MPV17L2: variants seen among roughly 807,000 people sequenced by gnomAD.
MPV17L2 encodes the protein mpv17-like protein 2.
MPV17L2 carries 25 observed loss-of-function variants against 24.2 expected under a neutral mutation model. The observed-to-expected ratio is 1.03, with a 90% confidence interval of 0.75 to 1.44. The LOEUF is 1.44. Among genes scored for constraint, MPV17L2 ranks in the 40% most tolerant of loss-of-function variants. The pLI is 0.00. For synonymous variants in MPV17L2, 130 were observed against 121.4 expected (o/e 1.07, Z -0.46); for missense variants, 271 against 276.2 (o/e 0.98, Z 0.13).
chr19:18,196,707 C>CT lies in MPV17L2; in HGVS notation c.*653dup. On this transcript the variant is annotated 3_prime_UTR_variant, in exon 5 of 5. Coordinates refer to ENST00000599612, the MANE Select transcript of MPV17L2 (RefSeq NM_032683.3). ...TGGGCAACATAGCAAGACCCTGTCT[C>CT]TATTTATATTGAAAAATAAAAATAA... 3.1e-6 allele frequency: 1 copy of CT among 321,128 alleles called. No individual in the cohort carries two copies. Among genetic ancestry groups the CT allele is most frequent in the East Asian group, 8.1e-5 (1 of 12,342 alleles). 19.9% of individuals were successfully genotyped at this position (321,128 alleles called of 1,614,324 possible).
rs767432639 is a variant in MPV17L2 at position 18,193,851 on chromosome 19, TACA to T, written c.188-12_188-10del. ...GCCGGCCCGACCCAGCCCCCTGACT[TACA>T]CTCTTATAGCGAGCATGTTTGCGGT... On this transcript the variant is annotated splice_polypyrimidine_tract_variant and intron_variant, in intron 1 of 4. Coordinates refer to ENST00000599612, the MANE Select transcript of MPV17L2 (RefSeq NM_032683.3). 1.2e-6 allele frequency: 2 copies of T among 1,613,140 alleles called. No individual in the cohort carries two copies. The highest frequency in any genetic ancestry group is 3.3e-5 in the Admixed American group (2 of 59,932).
rs377732895 is a variant in MPV17L2, at chr19:18,194,980, C to A, written c.458C>A (p.Ala153Asp). Residue 153 changes from alanine to aspartate, a missense_variant, in exon 4 of 5, where the codon GCT (alanine) becomes GAT (aspartate). Ala to Asp is a moderately radical substitution (Grantham distance 126). Transcript: ENST00000599612. ...CAGGCAGACTGGTGCGTGTGGCCTG[C>A]TGCGCAGTTCGTGAACTTCCTCTTC... is the stretch of plus-strand genomic sequence containing the variant. ...FYKADWCVWP[A>D]AQFVNFLFVP... 5.6e-6 allele frequency: 9 copies of A among 1,608,948 alleles called. No homozygotes were observed. In the African/African-American group the frequency reaches 1.2e-4, roughly 22 times the overall value.
chr19:18,195,071 C>CGGG lies in MPV17L2; in HGVS notation c.549_550insGGG (p.Ser183_Tyr184insGly), dbSNP rs1967488575. On this transcript the variant is annotated inframe_insertion, in exon 4 of 5. Transcript: ENST00000599612. ...CGCTGGGCTGGGACACGTACCTGTC[C>CGGG]TACTTGAAGTACCGGGTGAGTGTGG... 1 of 1,614,012 alleles carries CGGG rather than the reference C, an allele frequency of 6.2e-7. No individual in the cohort carries two copies. Among genetic ancestry groups the CGGG allele is most frequent in the African/African-American group, 1.3e-5 (1 of 74,918 alleles).
rs555629014 is a variant in MPV17L2, at chr19:18,195,210, C to T, written c.564+124C>T. On this transcript the variant is annotated intron_variant, in intron 4 of 4. Coordinates refer to ENST00000599612, the MANE Select transcript of MPV17L2 (RefSeq NM_032683.3). ...AGTCTCCTGTGCTCCTGACAACCCACACCCAACAGTGGGCTGGCGGAGAGC... is the reference window on the plus strand; with the variant it reads ...AGTCTCCTGTGCTCCTGACAACCCATACCCAACAGTGGGCTGGCGGAGAGC... 5.7e-5 allele frequency: 83 copies of T among 1,452,844 alleles called. No individual in the cohort carries two copies. The Admixed American group carries it at 1.6e-3, about 28-fold the overall frequency. The allele number at this position is 1,452,844 out of a possible 1,614,324, so 90.0% of individuals were successfully genotyped here.
intron 2 of MPV17L2, 43 bp from the exon 3 acceptor site, chr19:18,194,734 C>G (rs1206423419): frequency 6.5e-7 from 1 of 1,545,572 alleles, no homozygotes; most frequent in Non-Finnish European, 8.8e-7. Context: ...CTCAACAGTA[C>G]TTCCTGGCCT....
chr19:18,195,586 C>T (rs978959793), intron 4 of MPV17L2, among the ~76,000 whole-genome samples: 9 of 151,734 alleles, frequency 5.9e-5, no homozygotes, highest in African/African-American at 1.9e-4. Context: ...GTAATCCCAG[C>T]ACTTTGGGAG....
chr19:18,194,545 A>G (rs776945908), intron 2 of MPV17L2, among the ~76,000 whole-genome samples: 1 of 152,094 alleles, frequency 6.6e-6, no homozygotes, highest in Non-Finnish European at 1.5e-5. Flanking sequence ...GCACGTGTTT[A>G]TATGTTTATA....
chr19:18,193,336 C>G lies in MPV17L2; in HGVS notation c.55C>G (p.Leu19Val). 1 of 1,563,188 alleles carries G rather than the reference C, an allele frequency of 6.4e-7. No homozygotes were observed. Among genetic ancestry groups the G allele is most frequent in the Non-Finnish European group, 8.6e-7 (1 of 1,160,466 alleles). The change falls in exon 1 of 5, where the codon CTA becomes GTA. Residue 19 changes from leucine (L) to valine (V), a missense_variant. Physicochemically the swap from Leu to Val is conservative, Grantham distance 32 (BLOSUM62 1). Transcript: ENST00000599612. ...LRRLLSAGQL[L>V]FQGRALLVTN... ...CCGCCTGTTATCCGCGGGGCAGCTT[C>G]TATTCCAGGGCCGCGCGCTGCTCGT...
rs368266989 is a variant in MPV17L2 at position 18,193,956 on chromosome 19, G to A, written c.280G>A (p.Gly94Ser). Residue 94 changes from glycine to serine, a missense_variant, in exon 2 of 5, where the codon GGC (glycine) becomes AGC (serine). Transcript: ENST00000599612. ...DRLFPASGLR[G>S]FPNVLKKVLV... is the part of the protein sequence containing the mutation. The stretch of plus-strand genomic sequence containing the variant: ...CCTATTCCCTGCGTCTGGCCTCCGA[G>A]GCTTCCCAAATGTCCTCAAGAAGGT... 1.9e-6 allele frequency: 3 copies of A among 1,614,244 alleles called. No individual in the cohort carries two copies. Among genetic ancestry groups the A allele is most frequent in the South Asian group, 2.2e-5 (2 of 91,086 alleles).
chr19:18,195,098 G>C lies in MPV17L2; in HGVS notation c.564+12G>C. 1.2e-6 allele frequency: 2 copies of C among 1,612,388 alleles called. No homozygotes were observed. The highest frequency in any genetic ancestry group is 8.5e-7 in the Non-Finnish European group (1 of 1,178,876). ...ACTTGAAGTACCGGGTGAGTGTGGA[G>C]GGCATACCAGGCACCCAGGGGACTC... On this transcript the variant is annotated intron_variant, in intron 4 of 4. Coordinates refer to ENST00000599612, the MANE Select transcript of MPV17L2 (RefSeq NM_032683.3).
chr19:18,195,137 A>T, intron 4 of MPV17L2, 51 bp downstream of exon 4: 1 of 1,581,150 alleles, frequency 6.3e-7, no homozygotes. Flanking sequence ...AGGGGGCTAC[A>T]CGTGTGAGCT....
At chr19:18,194,262 G>T in intron 2 of MPV17L2, 1 of 558,638 alleles carries the variant, frequency 1.8e-6, no homozygotes, top group Non-Finnish European at 3.2e-6. Context: ...TGGGCGGGAG[G>T]TTGAGAGCAT....
At position 18,196,921 on chromosome 19, in the gene MPV17L2, C is replaced by T. The variant is rs1276028783; in HGVS notation, c.*866C>T. The stretch of plus-strand genomic sequence containing the variant: ...TCTGGTGGGCGGGGGGGGGGGGGGT[C>T]CCAGGGTGGTGAATACCCACAGCAC... On this transcript the variant is annotated 3_prime_UTR_variant, in exon 5 of 5. Transcript: ENST00000599612. 1.3e-5 allele frequency: 1 copy of T among 79,740 alleles called. No homozygotes were observed. The highest frequency in any genetic ancestry group is 2.7e-5 in the Non-Finnish European group (1 of 37,312). 4.9% of individuals were successfully genotyped at this position (79,740 alleles called of 1,614,324 possible).
At position 18,193,913 on chromosome 19, in the gene MPV17L2, G is replaced by A. The variant is rs780949921; in HGVS notation, c.237G>A (p.Trp79Ter). The stretch of plus-strand genomic sequence containing the variant: ...GCATGGGTCCCTTCCTGCACTACTG[G>A]TACTTGTCGCTGGACCGCCTATTCC... The part of the protein sequence containing the change: ...GCSMGPFLHY[W>*]YLSLDRLFPA... The change falls in exon 2 of 5, where the codon TGG becomes TGA. Residue 79 changes from tryptophan to a stop codon, truncating the protein, a stop_gained. Transcript: ENST00000599612. LOFTEE classifies it high-confidence loss of function. 1.9e-6 allele frequency: 3 copies of A among 1,614,110 alleles called. No homozygotes were observed. The highest frequency in any genetic ancestry group is 1.7e-5 in the Admixed American group (1 of 60,016).
At chr19:18,195,121 C>T (rs1478675042) in intron 4 of MPV17L2, 35 bp downstream of exon 4, 13 of 1,607,340 alleles carry the variant, frequency 8.1e-6, no homozygotes, top group Non-Finnish European at 1.1e-5. Flanking sequence ...ACCCAGGGGA[C>T]TCCCCAGGGG....
In MPV17L2 at chr19:18,196,438, G is replaced by A; in HGVS notation, c.*383G>A. On this transcript the variant is annotated 3_prime_UTR_variant, in exon 5 of 5. Coordinates refer to ENST00000599612, the MANE Select transcript of MPV17L2 (RefSeq NM_032683.3). The stretch of plus-strand genomic sequence containing the variant: ...GAGCTCCCTCAGGTCCTGGGACTAA[G>A]GCGGGGACATGACTGATCCCCTCAG... 2 of 1,302,788 alleles carry A rather than the reference G, an allele frequency of 1.5e-6. No individual in the cohort carries two copies. The highest frequency in any genetic ancestry group is 2.0e-6 in the Non-Finnish European group (2 of 997,554). The allele number at this position is 1,302,788 out of a possible 1,614,324, so 80.7% of individuals were successfully genotyped here.
chr19:18,196,062 T>C lies in MPV17L2; in HGVS notation c.*7T>C. ...GGACACCCGAGCAGACTGAACTGTC[T>C]GCTTCCTGGACCAGATGCAAGACTG... On this transcript the variant is annotated 3_prime_UTR_variant, in exon 5 of 5. Transcript: ENST00000599612. 1 of 1,614,144 alleles carries C rather than the reference T, an allele frequency of 6.2e-7. No individual in the cohort carries two copies. The highest frequency in any genetic ancestry group is 8.5e-7 in the Non-Finnish European group (1 of 1,179,996).
Position 18,193,276 on chromosome 19 carries a change from AG to A in MPV17L2, c.-3del. On this transcript the variant is annotated 5_prime_UTR_variant, in exon 1 of 5. Coordinates refer to ENST00000599612, the MANE Select transcript of MPV17L2 (RefSeq NM_032683.3). ...CGGCGCGCCGGTTCCTTGGTTCCTG[AG>A]GGCGATGGCGCGGGGTGGCTGGCGC... The A allele has an allele frequency of 6.6e-7, 1 of 1,523,382 alleles. No homozygotes were observed. The highest frequency in any genetic ancestry group is 8.8e-7 in the Non-Finnish European group (1 of 1,142,334). 94.4% of individuals were successfully genotyped at this position (1,523,382 alleles called of 1,614,324 possible).
rs11552160 is a variant in MPV17L2, at chr19:18,196,414, A to C, written c.*359A>C. On this transcript the variant is annotated 3_prime_UTR_variant, in exon 5 of 5. Coordinates refer to ENST00000599612, the MANE Select transcript of MPV17L2 (RefSeq NM_032683.3). ...GCTCTGGGCCAAGCCACCAATCCAG[A>C]GCTCCCTCAGGTCCTGGGACTAAGG... 88,533 of 1,312,340 alleles carry C rather than the reference A, an allele frequency of 0.067. 3,203 individuals carry two copies. The highest frequency in any genetic ancestry group is 0.075 in the Non-Finnish European group (75,014 of 1,003,740). 81.3% of individuals were successfully genotyped at this position (1,312,340 alleles called of 1,614,324 possible). A position where few individuals can be genotyped will look rare whatever the true frequency, so the allele number is the denominator to read the frequency against.
Sources: allele counts gnomAD v4.1 joint callset (sites outside exome capture counted in the v4.1 genomes callset), GRCh38; gene constraint gnomAD v4.1.1; transcripts MANE v1.5; gene names NCBI Gene and HGNC (gene_info 2026-07-23, HGNC 2026-07-21).